Variants in SHISA7 observed in about 807,000 individuals in gnomAD.
SHISA7 encodes the protein protein shisa-7.
SHISA7 carries 6 observed loss-of-function variants against 23.9 expected under a neutral mutation model. The ratio of observed to expected loss-of-function variants is 0.25; its 90% confidence interval spans 0.14 to 0.50. The LOEUF (loss-of-function observed/expected upper bound fraction) is 0.50. Among genes scored for constraint, SHISA7 ranks in the 20% least tolerant of loss-of-function variants. The probability of loss-of-function intolerance (pLI) is 0.98; values close to 1 mark genes in which losing one functional copy is unlikely to be tolerated. For synonymous variants in SHISA7, 386 were observed against 398.3 expected, an observed-to-expected ratio of 0.97 and a Z score of 0.37; for missense variants, 671 against 801.1, an observed-to-expected ratio of 0.84 and a Z score of 1.96.
intron 3 of SHISA7, among the ~76,000 whole-genome samples, chr19:55,434,845 G>T: frequency 9.1e-6 from 1 of 110,232 alleles, no homozygotes; most frequent in African/African-American, 3.6e-5. Context: ...TGTGGTGTGT[G>T]TGTGCGTGTG....
intron 3 of SHISA7, among the ~76,000 whole-genome samples, chr19:55,435,100 ATGGTGTGTGTG>A (rs1426603053): frequency 0.014 from 238 of 17,422 alleles, 2 homozygotes; most frequent in South Asian, 0.026. Flanking sequence ...GTGTGTGTGT[ATGGTGTGTGTG>A]TGGTGTGTGT....
Position 55,433,553 on chromosome 19 carries a change from AGG to A in SHISA7, c.1218_1219del (p.Leu407GlyfsTer193). On this transcript the variant is annotated frameshift_variant, in exon 4 of 4. Transcript: ENST00000376325. LOFTEE classifies it low-confidence loss of function (END_TRUNC). This position sits in a 1 kb window ranked among gnomAD's most constrained non-coding sequence, Gnocchi z 8.4. ...CAGCAGCAGGTGCTCCTGCGACACCAGGCGCGCGCGCGGCAGCGTGAACTCGT... is the reference window on the plus strand; with the variant it reads ...CAGCAGCAGGTGCTCCTGCGACACCACGCGCGCGCGGCAGCGTGAACTCGT... 6.7e-7 allele frequency: 1 copy of A among 1,494,144 alleles called. No individual in the cohort carries two copies. Among genetic ancestry groups the A allele is most frequent in the South Asian group, 1.3e-5 (1 of 79,958 alleles). The allele number at this position is 1,494,144 out of a possible 1,614,324, so 92.6% of individuals were successfully genotyped here.
In SHISA7 at chr19:55,431,851, G is replaced by A. The variant is rs1885754105; in HGVS notation, c.*1305C>T. 1 of 152,202 alleles carries A rather than the reference G, an allele frequency of 6.6e-6. No homozygotes were observed. Among genetic ancestry groups the A allele is most frequent in the Non-Finnish European group, 1.5e-5 (1 of 68,042 alleles). 9.4% of individuals were successfully genotyped at this position (152,202 alleles called of 1,614,324 possible). On this transcript the variant is annotated 3_prime_UTR_variant, in exon 4 of 4. Transcript: ENST00000376325. Reference sequence around the variant, plus strand: ...GCCTCCTGGGAGCAGAAGGCCATCTGGAGGTCCTGTCTCCCAGGAGTCATG... The same window carrying A: ...GCCTCCTGGGAGCAGAAGGCCATCTAGAGGTCCTGTCTCCCAGGAGTCATG...
At position 55,434,917 on chromosome 19, in the gene SHISA7, G is replaced by GGT. The variant is rs537894800; in HGVS notation, c.977-1123_977-1122dup. 3.2e-3 allele frequency among the ~76,000 whole-genome samples: 397 copies of GGT among 125,014 alleles called. 2 individuals carry two copies. Among genetic ancestry groups the GGT allele is most frequent in the South Asian group, 0.015 (52 of 3,494 alleles). 82.0% of individuals were successfully genotyped at this position (125,014 alleles called of 152,430 possible). On this transcript the variant is annotated intron_variant, in intron 3 of 3. Transcript: ENST00000376325. The stretch of plus-strand genomic sequence containing the variant: ...GTGTGTGTGGTGTGTGTGTATATGT[G>GGT]GTGTGTGTGTATATGTGGTGTGTGT...
At chr19:55,437,852 G>T in intron 2 of SHISA7, 98 bp from the exon 3 acceptor site, 1 of 1,396,210 alleles carries the variant, frequency 7.2e-7, no homozygotes. Context: ...CAGGAGTCCA[G>T]AAACCCAGCC....
At chr19:55,438,617 T>G (rs1326647942) in intron 2 of SHISA7, 7 of 1,304,118 alleles carry the variant, frequency 5.4e-6, no homozygotes, top group African/African-American at 1.5e-5. Flanking sequence ...GTAGCTGTGG[T>G]GCAGATTATC....
At chr19:55,434,304 TGTGTGTGGTGTGTGTGTGTG>T (rs1447447772) in intron 3 of SHISA7, among the ~76,000 whole-genome samples, 1 of 101,874 alleles carries the variant, frequency 9.8e-6, no homozygotes, top group African/African-American at 3.6e-5. Flanking sequence ...ATATGTGGTG[TGTGTGTGGTGTGTGTGTGTG>T]GTGTGTGGTG....
At chr19:55,437,455 C>A in intron 3 of SHISA7, 150 bp downstream of exon 3, 1 of 1,036,270 alleles carries the variant, frequency 9.6e-7, no homozygotes, top group Admixed American at 3.3e-5. Flanking sequence ...TACAAAAGTA[C>A]CACAGGTAAT....
At chr19:55,435,102 GGTGTGTGTGTGGT>G (rs1568450937) in intron 3 of SHISA7, among the ~76,000 whole-genome samples, 2 of 77,362 alleles carry the variant, frequency 2.6e-5, no homozygotes, top group African/African-American at 9.2e-5. Context: ...GTGTGTGTAT[GGTGTGTGTGTGGT>G]GTGTGTGGTG....
chr19:55,433,775 G>T lies in SHISA7; in HGVS notation c.998C>A (p.Ala333Asp). The stretch of plus-strand genomic sequence containing the variant: ...TTCCAGGGGCCGGCGCTTCAGGTAG[G>T]CCTCGTCCAGATCCTTCTCGGCTGC... Reference protein sequence around the residue: ...KRLAEKDLDEAYLKRRPLELP... With the variant: ...KRLAEKDLDEDYLKRRPLELP... The change falls in exon 4 of 4, where the codon GCC becomes GAC. Residue 333 changes from alanine (A) to aspartate (D), a missense_variant. Ala to Asp is a moderately radical substitution (Grantham distance 126). Transcript: ENST00000376325. This position sits in a 1 kb window ranked among gnomAD's most constrained non-coding sequence, Gnocchi z 8.4. 1 of 1,436,266 alleles carries T rather than the reference G, an allele frequency of 7.0e-7. No homozygotes were observed. The highest frequency in any genetic ancestry group is 9.1e-7 in the Non-Finnish European group (1 of 1,104,366). The allele number at this position is 1,436,266 out of a possible 1,614,324, so 89.0% of individuals were successfully genotyped here.
Position 55,433,160 on chromosome 19 carries a change from A to T in SHISA7, c.1613T>A (p.Val538Asp), listed in dbSNP as rs1460947852. 6.6e-7 allele frequency: 1 copy of T among 1,521,352 alleles called. No individual in the cohort carries two copies. The highest frequency in any genetic ancestry group is 8.8e-7 in the Non-Finnish European group (1 of 1,139,482). The allele number at this position is 1,521,352 out of a possible 1,614,324, so 94.2% of individuals were successfully genotyped here. The change falls in exon 4 of 4, where the codon GTC (valine) becomes GAC (aspartate). Residue 538 changes from valine to aspartate, a missense_variant. Coordinates refer to ENST00000376325, the MANE Select transcript of SHISA7 (RefSeq NM_001145176.2). This position sits in a 1 kb window ranked among gnomAD's most constrained non-coding sequence, Gnocchi z 8.4. The stretch of plus-strand genomic sequence containing the variant: ...CCCCCAGACCCGGCCCTGGCCTCAG[A>T]CAGTCACCTCGTTCTTGCTGGCCGT... The part of the protein sequence containing the change: ...LRTASKNEVT[V>D]
chr19:55,437,574 TCAC>T (rs766994526), intron 3 of SHISA7, 28 bp downstream of exon 3: 8 of 1,544,846 alleles, frequency 5.2e-6, no homozygotes, highest in South Asian at 4.8e-5. Flanking sequence ...CCCCTCCCCT[TCAC>T]CGCCGCGCTG....
At chr19:55,434,793 TG>T in intron 3 of SHISA7, among the ~76,000 whole-genome samples, 1 of 105,072 alleles carries the variant, frequency 9.5e-6, no homozygotes, top group Admixed American at 9.9e-5. Flanking sequence ...GTGTGTGTGG[TG>T]TGTGTGTGCG....
At position 55,442,391 on chromosome 19, in the gene SHISA7, C is replaced by T. The variant is rs1985617975; in HGVS notation, c.473G>A (p.Gly158Glu). ...GGAGGAGGGP[G>E]PGQAGWLEGG... is the part of the protein sequence containing the mutation. Reference sequence around the variant, plus strand: ...TTCCAACCACCCGGCCTGGCCGGGCCCTGGCCCCCCGCCCGCACCCCCAGC... The same window carrying T: ...TTCCAACCACCCGGCCTGGCCGGGCTCTGGCCCCCCGCCCGCACCCCCAGC... The change falls in exon 1 of 4, where the codon GGG becomes GAG. Residue 158 changes from glycine to glutamate, a missense_variant. By Grantham distance (98) the Gly-to-Glu change is moderately conservative. Around this residue, in one of 5 missense-constraint regions of SHISA7, gnomAD observed 59 missense variants for 57.2 expected, o/e 1.03. Transcript: ENST00000376325. The T allele has an allele frequency of 7.3e-7, 1 of 1,361,042 alleles. No individual in the cohort carries two copies. The highest frequency in any genetic ancestry group is 3.2e-5 in the East Asian group (1 of 31,440). The allele number at this position is 1,361,042 out of a possible 1,614,324, so 84.3% of individuals were successfully genotyped here. A position where few individuals can be genotyped will look rare whatever the true frequency, so the allele number is the denominator to read the frequency against.
chr19:55,440,068 A>G (rs1204895512), intron 2 of SHISA7, among the ~76,000 whole-genome samples: 1 of 151,888 alleles, frequency 6.6e-6, no homozygotes, highest in Non-Finnish European at 1.5e-5. Context: ...CCACACTTAC[A>G]TAGTATTTTT....
chr19:55,433,683 C>G lies in SHISA7; in HGVS notation c.1090G>C (p.Glu364Gln). The G allele has an allele frequency of 6.7e-7, 1 of 1,483,212 alleles. No individual in the cohort carries two copies. The allele number at this position is 1,483,212 out of a possible 1,614,324, so 91.9% of individuals were successfully genotyped here. ...RPGTGGGYRM[E>Q]AWGGPEELGL... ...AGCTCCTCTGGGCCGCCCCAGGCCT[C>G]CATGCGATAGCCGCCCCCCGTGCCC... Residue 364 changes from glutamate to glutamine, a missense_variant, in exon 4 of 4, where the codon GAG becomes CAG. This residue lies in a region of SHISA7 where 457 missense variants were observed against 488.3 expected (regional missense o/e 0.94). Coordinates refer to ENST00000376325, the MANE Select transcript of SHISA7 (RefSeq NM_001145176.2). The surrounding 1 kb of genome is among the most constrained non-coding windows in gnomAD (Gnocchi z 8.4).
In SHISA7 at chr19:55,443,223, CA is replaced by C. The variant is rs1186243211; in HGVS notation, c.-361del. The stretch of plus-strand genomic sequence containing the variant: ...CGGGAGAAGCGATTGGGAGGGTCGA[CA>C]GACACCAGAGGGGTGTGCAGACATT... On this transcript the variant is annotated 5_prime_UTR_variant, in exon 1 of 4. It removes the in-frame stop codon of an upstream open reading frame in the 5' UTR. Coordinates refer to ENST00000376325, the MANE Select transcript of SHISA7 (RefSeq NM_001145176.2). Among the ~76,000 whole-genome samples, 2 of 149,718 alleles carry C rather than the reference CA, an allele frequency of 1.3e-5. No homozygotes were observed. The highest frequency in any genetic ancestry group is 4.9e-5 in the African/African-American group (2 of 40,726).
At chr19:55,438,875 C>CT (rs1985530030) in intron 2 of SHISA7, among the ~76,000 whole-genome samples, 14 of 126,572 alleles carry the variant, frequency 1.1e-4, no homozygotes, top group Admixed American at 1.1e-3. Flanking sequence ...TTAGCACCCC[C>CT]CCCCCTGGTG....
Position 55,442,387 on chromosome 19 carries a change from G to A in SHISA7, c.477C>T (p.Pro159=). The A allele has an allele frequency of 7.4e-7, 1 of 1,356,868 alleles. No individual in the cohort carries two copies. Among genetic ancestry groups the A allele is most frequent in the Non-Finnish European group, 9.4e-7 (1 of 1,064,342 alleles). The allele number at this position is 1,356,868 out of a possible 1,614,324, so 84.1% of individuals were successfully genotyped here. Reference sequence around the variant, plus strand: ...CCCCTTCCAACCACCCGGCCTGGCCGGGCCCTGGCCCCCCGCCCGCACCCC... The same window carrying A: ...CCCCTTCCAACCACCCGGCCTGGCCAGGCCCTGGCCCCCCGCCCGCACCCC... ...GAGGAGGGPG[P]GQAGWLEGGR... The change falls in exon 1 of 4, where the codon CCC becomes CCT. Residue 159 remains proline (P), a synonymous_variant. Transcript: ENST00000376325.
Sources: gnomAD v4.1 joint callset for allele counts (sites outside exome capture counted in the v4.1 genomes callset) on GRCh38, gnomAD v4.1.1 for gene constraint, gnomAD v4.1.1 regional missense constraint, Gnocchi (gnomAD v3.1) non-coding constraint, MANE v1.5 for transcripts, NCBI Gene and HGNC (gene_info 2026-07-23, HGNC 2026-07-21) for gene names.